Variants in APBB1IP observed in about 807,000 individuals in gnomAD.
APBB1IP encodes amyloid beta precursor protein binding family B member 1 interacting protein.
A neutral mutation model predicts 64.9 loss-of-function variants in APBB1IP; 27 were observed. That is an observed-to-expected ratio of 0.42 (90% CI 0.31 to 0.57). The LOEUF is 0.57. APBB1IP is among the 20% of genes least tolerant of loss of function. APBB1IP has a pLI of 0.20. For synonymous variants in APBB1IP, 392 were observed against 331.0 expected, an observed-to-expected ratio of 1.18 and a Z score of -2.00; for missense variants, 812 against 845.5, an observed-to-expected ratio of 0.96 and a Z score of 0.49.
chr10:26,559,595 T>C (rs1836940653), intron 11 of APBB1IP, among the ~76,000 whole-genome samples: 2 of 151,274 alleles, frequency 1.3e-5, no homozygotes, highest in African/African-American at 4.8e-5. Context: ...GTGCTTATGA[T>C]AAATCATAAA....
chr10:26,445,797 T>C (rs1446147399), intron 2 of APBB1IP, among the ~76,000 whole-genome samples: 1 of 152,192 alleles, frequency 6.6e-6, no homozygotes, highest in East Asian at 1.9e-4. Context: ...GGCTAAAAAT[T>C]CTCTAGGAGC....
chr10:26,567,500 A>T lies in APBB1IP; in HGVS notation c.*12A>T. ...GCAACGTGTCCTAGGGACGGGCATG[A>T]TGAGTGTTCCAGAGGGAGAAGCATC... On this transcript the variant is annotated 3_prime_UTR_variant, in exon 15 of 15. Coordinates refer to ENST00000376236, the MANE Select transcript of APBB1IP (RefSeq NM_019043.4). The T allele has an allele frequency of 6.4e-7, 1 of 1,552,980 alleles. No homozygotes were observed. Among genetic ancestry groups the T allele is most frequent in the African/African-American group, 1.4e-5 (1 of 72,832 alleles).
Position 26,480,593 on chromosome 10 carries a change from T to A in APBB1IP, c.1-11734T>A, listed in dbSNP as rs751529192. ...TGGTAATCTCTTCTTTCAAAATAAC[T>A]TTAATATTGGAATGGTTGAGCTGCT... On this transcript the variant is annotated intron_variant, in intron 2 of 14. Transcript: ENST00000376236. Among the ~76,000 whole-genome samples the A allele has an allele frequency of 1.6e-4, 24 of 150,694 alleles. 1 individual carries two copies. The highest frequency in any genetic ancestry group is 2.4e-4 in the Non-Finnish European group (16 of 67,640).
chr10:26,446,942 G>C (rs936502766), intron 2 of APBB1IP, among the ~76,000 whole-genome samples: 8 of 152,182 alleles, frequency 5.3e-5, no homozygotes, highest in African/African-American at 1.9e-4. Context: ...TAGTGGGAAA[G>C]ACAGGCATGT....
intron 6 of APBB1IP, among the ~76,000 whole-genome samples, chr10:26,505,980 A>T (rs1836170767): frequency 6.6e-6 from 1 of 151,302 alleles, no homozygotes; most frequent in Non-Finnish European, 1.5e-5. Flanking sequence ...CCCAGTGTTC[A>T]CTCCTTCATT....
intron 2 of APBB1IP, among the ~76,000 whole-genome samples, chr10:26,462,963 C>A (rs1835610257): frequency 6.6e-6 from 1 of 152,162 alleles, no homozygotes; most frequent in African/African-American, 2.4e-5. Flanking sequence ...CTAGAGCAAG[C>A]CTCCTTCTGG....
chr10:26,456,565 TG>T (rs1835527453), intron 2 of APBB1IP, among the ~76,000 whole-genome samples: 1 of 151,894 alleles, frequency 6.6e-6, no homozygotes, highest in Non-Finnish European at 1.5e-5. Context: ...AAGAAAACTC[TG>T]GTGGCATTAT....
At chr10:26,547,358 T>C (rs1407350507) in intron 11 of APBB1IP, among the ~76,000 whole-genome samples, 1 of 152,214 alleles carries the variant, frequency 6.6e-6, no homozygotes, top group Admixed American at 6.5e-5. Context: ...GTTGTCTCTT[T>C]ACTCTGTTGA....
chr10:26,517,214 A>T (rs943261228), intron 8 of APBB1IP, among the ~76,000 whole-genome samples: 3 of 152,180 alleles, frequency 2.0e-5, no homozygotes, highest in Admixed American at 2.0e-4. Context: ...TAACTAATGA[A>T]CTAGTGCACA....
chr10:26,524,809 G>A (rs1472391536), intron 8 of APBB1IP, among the ~76,000 whole-genome samples: 1 of 152,036 alleles, frequency 6.6e-6, no homozygotes, highest in South Asian at 2.1e-4. Context: ...TGGAAAGTAA[G>A]CTACACTCTA....
At chr10:26,521,618 A>G (rs753705383) in intron 8 of APBB1IP, among the ~76,000 whole-genome samples, 1 of 152,154 alleles carries the variant, frequency 6.6e-6, no homozygotes, top group Non-Finnish European at 1.5e-5. Context: ...ACCTCAGACG[A>G]TGGCTCCTCT....
chr10:26,525,695 G>A (rs61838871), intron 8 of APBB1IP, among the ~76,000 whole-genome samples: 1,816 of 152,266 alleles, frequency 0.012, 12 homozygotes, highest in Non-Finnish European at 0.017. Flanking sequence ...TATTGCAAAA[G>A]ACAGATTACC....
At chr10:26,440,769 A>G (rs1409680255) in intron 2 of APBB1IP, among the ~76,000 whole-genome samples, 1 of 152,096 alleles carries the variant, frequency 6.6e-6, no homozygotes, top group East Asian at 1.9e-4. Flanking sequence ...TCACTCATCA[A>G]TCAAAGTTTT....
chr10:26,567,059 G>A lies in APBB1IP; in HGVS notation c.1572G>A (p.Arg524=), dbSNP rs1837055739. 1 of 1,507,130 alleles carries A rather than the reference G, an allele frequency of 6.6e-7. No individual in the cohort carries two copies. Among genetic ancestry groups the A allele is most frequent in the East Asian group, 2.7e-5 (1 of 37,440 alleles). 93.4% of individuals were successfully genotyped at this position (1,507,130 alleles called of 1,614,324 possible). ...TGCCCCCGCCCCCTCCGGTGCGGAG[G>A]TCCTCCGACACCAGCGGCAGTCCCG... The part of the protein sequence containing the change: ...SSLPPPPPVR[R]SSDTSGSPAT... The change falls in exon 15 of 15, where the codon AGG becomes AGA. Residue 524 remains arginine (R), a synonymous_variant. Coordinates refer to ENST00000376236, the MANE Select transcript of APBB1IP (RefSeq NM_019043.4).
intron 2 of APBB1IP, among the ~76,000 whole-genome samples, chr10:26,486,055 C>A (rs888902273): frequency 2.0e-5 from 3 of 151,832 alleles, no homozygotes; most frequent in Non-Finnish European, 2.9e-5. Context: ...CATAGCAAGA[C>A]CCTGTCTCTG....
chr10:26,471,545 T>C (rs1459378544), intron 2 of APBB1IP, among the ~76,000 whole-genome samples: 1 of 152,188 alleles, frequency 6.6e-6, no homozygotes, highest in Admixed American at 6.5e-5. Context: ...GTAGCTCAGA[T>C]TCTTCTGATA....
rs1300805912 is a variant in APBB1IP, at chr10:26,536,500, G to A, written c.1044+283G>A. Among the ~76,000 whole-genome samples, 8 of 151,618 alleles carry A rather than the reference G, an allele frequency of 5.3e-5. No homozygotes were observed. The East Asian group carries it at 1.5e-3, about 29-fold the overall frequency. On this transcript the variant is annotated intron_variant, in intron 10 of 14. Transcript: ENST00000376236. The stretch of plus-strand genomic sequence containing the variant: ...GTTACTTTACCCGTCTATTTCCAAT[G>A]ACTTTTTACCCCTGTTGTTCTATTG...
chr10:26,550,753 G>A (rs1338673961), intron 11 of APBB1IP, among the ~76,000 whole-genome samples: 1 of 152,148 alleles, frequency 6.6e-6, no homozygotes, highest in African/African-American at 2.4e-5. Context: ...TCCATTTAGT[G>A]AGACCATGTT....
chr10:26,508,968 A>T (rs1167545642), intron 6 of APBB1IP, among the ~76,000 whole-genome samples: 1 of 152,270 alleles, frequency 6.6e-6, no homozygotes, highest in African/African-American at 2.4e-5. Flanking sequence ...GTAGTCAAAC[A>T]TCATTAATCT....
Sources: allele counts gnomAD v4.1 joint callset (sites outside exome capture counted in the v4.1 genomes callset), GRCh38; gene constraint gnomAD v4.1.1; transcripts MANE v1.5; gene names NCBI Gene and HGNC (gene_info 2026-07-23, HGNC 2026-07-21).